Variants in PCDHA3 observed in about 807,000 individuals in gnomAD.
The protein encoded by PCDHA3 is protocadherin alpha 3.
PCDHA3 carries 41 observed loss-of-function variants against 62.2 expected under a neutral mutation model. The observed-to-expected ratio is 0.66, with a 90% CI of 0.51 to 0.86. The LOEUF (loss-of-function observed/expected upper bound fraction) is 0.86. Ranked by LOEUF, PCDHA3 falls within the 40% of genes least tolerant of loss-of-function variation. PCDHA3 has a pLI of 0.00. For missense variants in PCDHA3, 1,304 were observed against 1,241.2 expected (o/e 1.05, Z -0.76); for synonymous variants, 640 against 555.4 (o/e 1.15, Z -2.14).
chr5:140,828,239 C>G, intron 1 of PCDHA3: 1 of 1,613,974 alleles, frequency 6.2e-7, no homozygotes, highest in South Asian at 1.1e-5. Flanking sequence ...CCGGATCGCG[C>G]AGGACCTGGG....
intron 1 of PCDHA3, among the ~76,000 whole-genome samples, chr5:140,900,485 C>T (rs577392455): frequency 6.6e-5 from 10 of 152,310 alleles, no homozygotes; most frequent in African/African-American, 2.2e-4. Flanking sequence ...CCATGTTGGT[C>T]AGACTGGTCT....
chr5:140,927,843 C>G, intron 1 of PCDHA3: 2 of 1,614,186 alleles, frequency 1.2e-6, no homozygotes, highest in Non-Finnish European at 1.7e-6. Flanking sequence ...ACGAAGGTGT[C>G]TTTGGTTTAG....
intron 1 of PCDHA3, among the ~76,000 whole-genome samples, chr5:140,957,433 A>G (rs2095359030): frequency 6.6e-6 from 1 of 152,202 alleles, no homozygotes; most frequent in Non-Finnish European, 1.5e-5. Flanking sequence ...TACTGTGCCT[A>G]ATTTATAAAT....
At position 140,968,504 on chromosome 5, in the gene PCDHA3, C is replaced by T. The variant is rs147528189; in HGVS notation, c.2395-10445C>T. 58 of 1,614,064 alleles carry T rather than the reference C, an allele frequency of 3.6e-5. No individual in the cohort carries two copies. In the African/African-American group the frequency reaches 6.7e-4, roughly 19 times the overall value. ...CATGAATGACCATGCCCCTCACATT[C>T]TGTACCCTACCTCAACCAACTCGTC... On this transcript the variant is annotated intron_variant, in intron 1 of 3. Transcript: ENST00000522353.
intron 1 of PCDHA3, among the ~76,000 whole-genome samples, chr5:140,964,705 C>T (rs1361202248): frequency 2.6e-5 from 4 of 151,550 alleles, no homozygotes; most frequent in Non-Finnish European, 4.4e-5. Flanking sequence ...TTAAGGCCTC[C>T]GAGATCAAAT....
In PCDHA3 at chr5:140,991,838, G is replaced by A. The variant is rs1056330823; in HGVS notation, c.2542+9275G>A. 3.3e-5 allele frequency among the ~76,000 whole-genome samples: 5 copies of A among 152,110 alleles called. No homozygotes were observed. In the East Asian group the frequency reaches 9.6e-4, roughly 29 times the overall value. ...TTTAGGCATTTATAACGGCAGAACC[G>A]CACTTCCAGATACCAAAATCTGTAT... On this transcript the variant is annotated intron_variant, in intron 3 of 3. Transcript: ENST00000522353.
chr5:140,990,814 T>A (rs1184527701), intron 3 of PCDHA3, among the ~76,000 whole-genome samples: 1 of 152,184 alleles, frequency 6.6e-6, no homozygotes, highest in Non-Finnish European at 1.5e-5. Context: ...GAAGCTCCCT[T>A]CTCTCAGCTA....
chr5:140,817,181 GA>G (rs1554127223), intron 1 of PCDHA3: 2 of 152,204 alleles, frequency 1.3e-5, no homozygotes, highest in Non-Finnish European at 2.9e-5. Context: ...CAGCTCCCCT[GA>G]AAAGTCAGAA....
intron 1 of PCDHA3, chr5:140,869,239 G>A: frequency 6.2e-7 from 1 of 1,613,652 alleles, no homozygotes; most frequent in Non-Finnish European, 8.5e-7. Context: ...CACCTTCGTG[G>A]GCCGCATCGC....
chr5:140,877,702 G>T, intron 1 of PCDHA3: 2 of 1,613,996 alleles, frequency 1.2e-6, no homozygotes, highest in Admixed American at 3.3e-5. Context: ...GTGCTCCAGC[G>T]CCGTGGGGAG....
chr5:140,989,722 A>C (rs1472933877), intron 3 of PCDHA3, among the ~76,000 whole-genome samples: 1 of 152,224 alleles, frequency 6.6e-6, no homozygotes, highest in African/African-American at 2.4e-5. Context: ...TCAGCTTTGC[A>C]GTTGAAAAGG....
At chr5:140,828,241 G>A (rs201142330) in intron 1 of PCDHA3, 20 of 1,613,960 alleles carry the variant, frequency 1.2e-5, no homozygotes, top group East Asian at 6.7e-5. Context: ...GGATCGCGCA[G>A]GACCTGGGGC....
chr5:140,905,771 G>A lies in PCDHA3; in HGVS notation c.2395-73178G>A, dbSNP rs112500166. ...TCACCTCCTTGGTTAAGTATATTCC[G>A]AAGTGTATTAGTCAGGGTTCTCTAG... is the stretch of plus-strand genomic sequence containing the variant. On this transcript the variant is annotated intron_variant, in intron 1 of 3. Coordinates refer to ENST00000522353, the MANE Select transcript of PCDHA3 (RefSeq NM_018906.3). Among the ~76,000 whole-genome samples the A allele has an allele frequency of 4.4e-3, 670 of 152,104 alleles. 7 individuals are homozygous for A. Among genetic ancestry groups the A allele is most frequent in the African/African-American group, 0.015 (623 of 41,484 alleles).
chr5:140,814,795 A>T (rs1019265696), intron 1 of PCDHA3: 4 of 152,170 alleles, frequency 2.6e-5, no homozygotes, highest in African/African-American at 9.6e-5. Context: ...GTTGTTATAC[A>T]ACACTTGACT....
intron 1 of PCDHA3, chr5:140,852,445 T>G (rs1294912184): frequency 5.4e-6 from 1 of 184,644 alleles, no homozygotes; most frequent in Admixed American, 6.7e-5. Flanking sequence ...GCCCAGCTAA[T>G]TTTTGTATTT....
intron 1 of PCDHA3, among the ~76,000 whole-genome samples, chr5:140,965,818 A>G (rs1554227859): frequency 2.6e-5 from 4 of 152,344 alleles, no homozygotes; most frequent in African/African-American, 9.6e-5. Flanking sequence ...AGAGCATTTT[A>G]AACATTTAAA....
chr5:140,913,410 C>T (rs375204256), intron 1 of PCDHA3, among the ~76,000 whole-genome samples: 6 of 152,040 alleles, frequency 3.9e-5, no homozygotes, highest in African/African-American at 1.4e-4. Context: ...CCTTTGAATT[C>T]CTGCAGTATC....
intron 1 of PCDHA3, among the ~76,000 whole-genome samples, chr5:140,919,974 TAG>T (rs2153555647): frequency 7.5e-6 from 1 of 134,116 alleles, no homozygotes; most frequent in African/African-American, 2.6e-5. Context: ...AAATAAGAGA[TAG>T]AAGATGGAAA....
Position 140,857,340 on chromosome 5 carries a change from C to T in PCDHA3, c.2394+53749C>T, listed in dbSNP as rs782392001. ...GTGGTGACCGCGCGGGACGGGGGCTCGCCTCCGCTGTGGGCCACGGCCAGC... is the reference window on the plus strand; with the variant it reads ...GTGGTGACCGCGCGGGACGGGGGCTTGCCTCCGCTGTGGGCCACGGCCAGC... On this transcript the variant is annotated intron_variant, in intron 1 of 3. Coordinates refer to ENST00000522353, the MANE Select transcript of PCDHA3 (RefSeq NM_018906.3). 2.5e-6 allele frequency: 4 copies of T among 1,598,236 alleles called. 1 individual carries two copies. Among genetic ancestry groups the T allele is most frequent in the Non-Finnish European group, 2.6e-6 (3 of 1,167,864 alleles).
Sources: allele counts gnomAD v4.1 joint callset (sites outside exome capture counted in the v4.1 genomes callset), GRCh38; gene constraint gnomAD v4.1.1; transcripts MANE v1.5; gene names NCBI Gene and HGNC (gene_info 2026-07-23, HGNC 2026-07-21).